Variants in FNIP2 observed in about 807,000 individuals in gnomAD.
FNIP2 encodes the protein folliculin-interacting protein 2.
A neutral mutation model predicts 108.7 loss-of-function variants in FNIP2; 32 were observed. The observed-to-expected ratio is 0.29, with a 90% CI of 0.22 to 0.40. The LOEUF (loss-of-function observed/expected upper bound fraction) is 0.40, where lower values mean the gene tolerates loss of function less well. Ranked by LOEUF, FNIP2 falls within the 10% of genes least tolerant of loss-of-function variation. The pLI is 1.00. For synonymous variants in FNIP2, 480 were observed against 496.7 expected (o/e 0.97, Z 0.45); for missense variants, 1,202 against 1,381.6 (o/e 0.87, Z 2.06).
In FNIP2 at chr4:158,859,211, C is replaced by G; in HGVS notation, c.1012C>G (p.Pro338Ala). The G allele has an allele frequency of 1.2e-6, 2 of 1,612,222 alleles. No individual in the cohort carries two copies. Among genetic ancestry groups the G allele is most frequent in the Non-Finnish European group, 1.7e-6 (2 of 1,178,990 alleles). Residue 338 changes from proline to alanine, a missense_variant, in exon 9 of 17, where the codon CCC (proline) becomes GCC (alanine). By Grantham distance (27) the Pro-to-Ala change is conservative (BLOSUM62 -1). Coordinates refer to ENST00000264433, the MANE Select transcript of FNIP2 (RefSeq NM_020840.3). ...NFQDFFFSHF[P>A]LFESHMNRLK... Reference sequence around the variant, plus strand: ...CCAGGACTTCTTCTTTTCTCATTTTCCCCTGTTTGAATCTCACATGAACAG... The same window carrying G: ...CCAGGACTTCTTCTTTTCTCATTTTGCCCTGTTTGAATCTCACATGAACAG...
At chr4:158,815,860 T>C (rs1213153808) in intron 1 of FNIP2, among the ~76,000 whole-genome samples, 1 of 152,204 alleles carries the variant, frequency 6.6e-6, no homozygotes, top group African/African-American at 2.4e-5. Flanking sequence ...TCTTGGAGTT[T>C]ATTACATACT....
At chr4:158,829,044 G>A (rs769095491) in intron 2 of FNIP2, 35 bp from the exon 3 acceptor site, 55 of 1,531,896 alleles carry the variant, frequency 3.6e-5, no homozygotes, top group Non-Finnish European at 4.8e-5. Flanking sequence ...GATATACTTA[G>A]TAATCTTTTA....
chr4:158,770,141 C>G (rs928384558), intron 1 of FNIP2, among the ~76,000 whole-genome samples: 1 of 151,574 alleles, frequency 6.6e-6, no homozygotes, highest in African/African-American at 2.4e-5. Flanking sequence ...CAAAATCCAG[C>G]TGTCAGTGGT....
chr4:158,790,421 C>A (rs780082413), intron 1 of FNIP2, among the ~76,000 whole-genome samples: 12 of 151,934 alleles, frequency 7.9e-5, no homozygotes, highest in Admixed American at 7.9e-4. Flanking sequence ...GGATACTCAA[C>A]CTGTATACCA....
chr4:158,834,764 C>G (rs1187115907), intron 6 of FNIP2: 2 of 152,264 alleles, frequency 1.3e-5, no homozygotes, highest in Non-Finnish European at 2.9e-5. Flanking sequence ...TCCTAGAAGT[C>G]TGTAATACTT....
At position 158,833,870 on chromosome 4, in the gene FNIP2, G is replaced by A. The variant is rs1378623642; in HGVS notation, c.655+242G>A. On this transcript the variant is annotated intron_variant, in intron 6 of 16. Transcript: ENST00000264433. The stretch of plus-strand genomic sequence containing the variant: ...GAAGGAGGACCTCTCCGGCTCACCC[G>A]GAGTGCTTCTTTCTTTGCAGGTTTG... The A allele has an allele frequency of 6.2e-6, 9 of 1,451,672 alleles. No homozygotes were observed. The Admixed American group carries it at 1.1e-4, about 18-fold the overall frequency. 89.9% of individuals were successfully genotyped at this position (1,451,672 alleles called of 1,614,324 possible). A position where few individuals can be genotyped will look rare whatever the true frequency, so the allele number is the denominator to read the frequency against.
intron 14 of FNIP2, among the ~76,000 whole-genome samples, chr4:158,876,552 T>C (rs1443503381): frequency 6.6e-6 from 1 of 152,230 alleles, no homozygotes; most frequent in Non-Finnish European, 1.5e-5. Flanking sequence ...TGAAGACCCA[T>C]TTCATATGTT....
Position 158,781,058 on chromosome 4 carries a change from G to T in FNIP2, c.107+11739G>T, listed in dbSNP as rs1460735817. Among the ~76,000 whole-genome samples the T allele has an allele frequency of 3.4e-5, 5 of 149,050 alleles. No individual in the cohort carries two copies. The East Asian group carries it at 9.7e-4, about 29-fold the overall frequency. On this transcript the variant is annotated intron_variant, in intron 1 of 16. Transcript: ENST00000264433. ...TCAAAAAAAAAAAAAAAAGAAAAAA[G>T]AAAGTATGAAGTCTAAGTACTATTT...
intron 1 of FNIP2, among the ~76,000 whole-genome samples, chr4:158,803,319 C>T (rs546248190): frequency 2.0e-5 from 3 of 152,186 alleles, no homozygotes; most frequent in Admixed American, 1.3e-4. Flanking sequence ...AGAGCAGGCA[C>T]CCAGCATGAT....
chr4:158,881,326 CGTCTCCCTCTCCCTCTCTTTCCACG>C (rs1330304356), intron 14 of FNIP2, among the ~76,000 whole-genome samples: 7 of 145,796 alleles, frequency 4.8e-5, no homozygotes, highest in African/African-American at 7.7e-5. Context: ...TCCACCGTCT[CGTCTCCCTCTCCCTCTCTTTCCACG>C]GTCTCCCTCT....
intron 1 of FNIP2, among the ~76,000 whole-genome samples, chr4:158,773,456 C>T (rs1775762044): frequency 6.6e-6 from 1 of 152,242 alleles, no homozygotes; most frequent in South Asian, 2.1e-4. Context: ...CTCCATTTCT[C>T]TGATCCTCAG....
chr4:158,871,621 C>T (rs1360852439), intron 14 of FNIP2: 38 of 985,214 alleles, frequency 3.9e-5, no homozygotes, highest in Non-Finnish European at 4.0e-5. Flanking sequence ...CTGGGGAAAG[C>T]CAGCCCAGTG....
intron 1 of FNIP2, among the ~76,000 whole-genome samples, chr4:158,799,850 A>G (rs762357305): frequency 3.9e-5 from 6 of 152,204 alleles, no homozygotes; most frequent in African/African-American, 7.2e-5. Flanking sequence ...CATAAGGAAA[A>G]TAGGTTGTAG....
intron 1 of FNIP2, among the ~76,000 whole-genome samples, chr4:158,800,306 G>GT (rs1214933321): frequency 6.6e-6 from 1 of 152,154 alleles, no homozygotes; most frequent in East Asian, 1.9e-4. Flanking sequence ...CAAATAAAGG[G>GT]AAATTGTGGA....
At chr4:158,787,429 A>T (rs1776259877) in intron 1 of FNIP2, among the ~76,000 whole-genome samples, 1 of 152,170 alleles carries the variant, frequency 6.6e-6, no homozygotes, top group African/African-American at 2.4e-5. Flanking sequence ...CTTAACTGTA[A>T]ACTTGATATT....
chr4:158,896,327 G>T (rs1782671707), intron 16 of FNIP2, among the ~76,000 whole-genome samples: 1 of 152,134 alleles, frequency 6.6e-6, no homozygotes, highest in South Asian at 2.1e-4. Context: ...TGGGGGGACA[G>T]TGCTTTCCTT....
At chr4:158,796,962 C>T (rs1217273723) in intron 1 of FNIP2, among the ~76,000 whole-genome samples, 1 of 152,164 alleles carries the variant, frequency 6.6e-6, no homozygotes, top group African/African-American at 2.4e-5. Flanking sequence ...GTTCCTTGTA[C>T]TCAGCCTGAT....
intron 5 of FNIP2, among the ~76,000 whole-genome samples, chr4:158,832,781 C>A (rs895075146): frequency 1.3e-5 from 2 of 152,126 alleles, no homozygotes; most frequent in African/African-American, 4.8e-5. Flanking sequence ...TTATTTATTT[C>A]TTGCGAGATT....
chr4:158,830,189 G>A (rs1303126055), intron 3 of FNIP2, among the ~76,000 whole-genome samples: 2 of 150,910 alleles, frequency 1.3e-5, no homozygotes. Context: ...GGAAGAAGTT[G>A]GTTTGAGCTA....
Sources: allele counts gnomAD v4.1 joint callset (sites outside exome capture counted in the v4.1 genomes callset), GRCh38; gene constraint gnomAD v4.1.1; transcripts MANE v1.5; gene names NCBI Gene and HGNC (gene_info 2026-07-23, HGNC 2026-07-21).